The following ANO2 variants were observed in gnomAD, a reference collection of about 807,000 sequenced individuals.
ANO2 encodes the protein anoctamin 2.
In ANO2, 101 loss-of-function variants were observed where a neutral mutation model predicts 124.2. The observed-to-expected ratio is 0.81, with a 90% CI of 0.69 to 0.96. The LOEUF is 0.96. Among genes scored for constraint, ANO2 ranks in the 40% least tolerant of loss-of-function variants. The pLI is 0.00. For missense variants in ANO2, 1,293 were observed against 1,274.5 expected, an observed-to-expected ratio of 1.01 and a Z score of -0.22; for synonymous variants, 486 against 482.5, an observed-to-expected ratio of 1.01 and a Z score of -0.09.
chr12:5,875,819 T>C (rs1008169631), intron 3 of ANO2, among the ~76,000 whole-genome samples: 1 of 151,476 alleles, frequency 6.6e-6, no homozygotes, highest in Non-Finnish European at 1.5e-5. Flanking sequence ...CTAGGCTACA[T>C]CTAGAATGAC....
chr12:5,740,566 A>G (rs944599468), intron 12 of ANO2: 1 of 153,286 alleles, frequency 6.5e-6, no homozygotes, highest in Non-Finnish European at 1.5e-5. Flanking sequence ...GTAAACAACT[A>G]CAATACAAGA....
At chr12:5,923,831 T>C (rs1376565088) in intron 1 of ANO2, among the ~76,000 whole-genome samples, 2 of 152,210 alleles carry the variant, frequency 1.3e-5, no homozygotes, top group Non-Finnish European at 2.9e-5. Flanking sequence ...TATTCTCTCC[T>C]CTGAGAAACA....
chr12:5,748,617 C>T (rs1044513851), intron 11 of ANO2, among the ~76,000 whole-genome samples: 17 of 152,114 alleles, frequency 1.1e-4, no homozygotes, highest in Admixed American at 9.8e-4. Flanking sequence ...TGCCTGTTTA[C>T]GGCGTGTATA....
chr12:5,771,759 T>C (rs1388735579), intron 10 of ANO2, among the ~76,000 whole-genome samples: 1 of 152,148 alleles, frequency 6.6e-6, no homozygotes, highest in Non-Finnish European at 1.5e-5. Context: ...CAGAGCAAGA[T>C]TCTGTCTCAA....
chr12:5,680,998 A>G (rs7311472), intron 14 of ANO2, among the ~76,000 whole-genome samples: 19,521 of 152,196 alleles, frequency 0.13, 1,310 homozygotes, highest in East Asian at 0.22. Flanking sequence ...AAGCGAGACA[A>G]AAGCAGAATA....
chr12:5,730,636 T>C (rs940360934), intron 14 of ANO2, among the ~76,000 whole-genome samples: 1 of 152,214 alleles, frequency 6.6e-6, no homozygotes, highest in Non-Finnish European at 1.5e-5. Context: ...CCTGCAGCAA[T>C]GCTATGCGGT....
intron 10 of ANO2, among the ~76,000 whole-genome samples, chr12:5,763,466 T>C (rs1421257971): frequency 6.6e-6 from 1 of 152,078 alleles, no homozygotes; most frequent in Non-Finnish European, 1.5e-5. Context: ...TCCTGTTACC[T>C]GATCTGTCTC....
At chr12:5,937,616 A>C (rs1250406275) in intron 1 of ANO2, among the ~76,000 whole-genome samples, 2 of 152,102 alleles carry the variant, frequency 1.3e-5, no homozygotes. Context: ...GAATGATAAA[A>C]CATTATCTTC....
chr12:5,794,529 G>A (rs1306289090), intron 10 of ANO2, among the ~76,000 whole-genome samples: 1 of 152,150 alleles, frequency 6.6e-6, no homozygotes, highest in Non-Finnish European at 1.5e-5. Context: ...CACCTCAGTC[G>A]TCCTTCAGAA....
At chr12:5,699,031 C>T (rs1043624170) in intron 14 of ANO2, among the ~76,000 whole-genome samples, 2 of 152,176 alleles carry the variant, frequency 1.3e-5, no homozygotes, top group Non-Finnish European at 2.9e-5. Context: ...GGATATTATC[C>T]AGGAGAACTT....
At chr12:5,776,108 G>C (rs1171414209) in intron 10 of ANO2, among the ~76,000 whole-genome samples, 4 of 152,194 alleles carry the variant, frequency 2.6e-5, no homozygotes, top group Admixed American at 2.6e-4. Flanking sequence ...AATGAGCACT[G>C]TTGGCGAACA....
At chr12:5,823,105 C>G (rs1001624547) in intron 7 of ANO2, among the ~76,000 whole-genome samples, 3 of 152,244 alleles carry the variant, frequency 2.0e-5, no homozygotes, top group Non-Finnish European at 2.9e-5. Flanking sequence ...CAGGGGGACA[C>G]AGCCAAACCA....
chr12:5,941,396 T>G (rs1012142370), intron 1 of ANO2, among the ~76,000 whole-genome samples: 1 of 151,904 alleles, frequency 6.6e-6, no homozygotes, highest in African/African-American at 2.4e-5. Flanking sequence ...TAAAGATGGA[T>G]CCAACAAAAG....
chr12:5,888,546 T>G (rs1370081740), intron 3 of ANO2, among the ~76,000 whole-genome samples: 4 of 152,162 alleles, frequency 2.6e-5, no homozygotes, highest in Admixed American at 2.0e-4. Context: ...GGGTGCTGAC[T>G]GGTGTGTTTA....
Position 5,666,712 on chromosome 12 carries a change from T to C in ANO2, c.1546-18911A>G, listed in dbSNP as rs111856458. ...ATGTTCTCAGATGAAGACTCTTTGG[T>C]GGCTGTGGGGCAAAGAATTAACCTC... On this transcript the variant is annotated intron_variant, in intron 14 of 24. Transcript: ENST00000682330. Among the ~76,000 whole-genome samples the C allele has an allele frequency of 7.3e-3, 1,105 of 152,302 alleles. 14 individuals are homozygous for C. The highest frequency in any genetic ancestry group is 0.025 in the African/African-American group (1,033 of 41,544).
chr12:5,741,216 G>A (rs181760741), intron 12 of ANO2: 1 of 152,328 alleles, frequency 6.6e-6, no homozygotes, highest in East Asian at 1.9e-4. Flanking sequence ...CTGGCTCTTA[G>A]CTGCCTATGT....
At chr12:5,643,700 T>C (rs1007158836) in intron 15 of ANO2, among the ~76,000 whole-genome samples, 1 of 152,248 alleles carries the variant, frequency 6.6e-6, no homozygotes, top group Non-Finnish European at 1.5e-5. Flanking sequence ...TTTTGATCTA[T>C]ATCTTTTCCA....
At chr12:5,605,460 G>A (rs1944172076) in intron 19 of ANO2, among the ~76,000 whole-genome samples, 2 of 152,170 alleles carry the variant, frequency 1.3e-5, no homozygotes, top group East Asian at 1.9e-4. Flanking sequence ...GAATAGAGAT[G>A]GCGAGACATT....
At chr12:5,731,068 G>A (rs1022222377) in intron 14 of ANO2, among the ~76,000 whole-genome samples, 4 of 152,104 alleles carry the variant, frequency 2.6e-5, no homozygotes, top group East Asian at 1.9e-4. Context: ...TGGCATTCCC[G>A]TCTATGGAAT....
Sources: allele counts gnomAD v4.1 joint callset (sites outside exome capture counted in the v4.1 genomes callset), GRCh38; gene constraint gnomAD v4.1.1; transcripts MANE v1.5; gene names NCBI Gene and HGNC (gene_info 2026-07-23, HGNC 2026-07-21).